MTUS1: variants seen among roughly 807,000 people sequenced by gnomAD.
The protein encoded by MTUS1 is microtubule associated scaffold protein 1.
A neutral mutation model predicts 120.8 loss-of-function variants in MTUS1; 109 were observed. That is an observed-to-expected ratio of 0.90 (90% confidence interval 0.77 to 1.06). The LOEUF is 1.06. MTUS1 is among the 50% of genes least tolerant of loss of function. MTUS1 has a pLI of 0.00. For synonymous variants in MTUS1, 737 were observed against 550.5 expected, an observed-to-expected ratio of 1.34 and a Z score of -4.74; for missense variants, 2,210 against 1,486.3, an observed-to-expected ratio of 1.49 and a Z score of -8.01.
chr8:17,704,279 A>C (rs990549906), intron 6 of MTUS1: 1 of 152,118 alleles, frequency 6.6e-6, no homozygotes, highest in Non-Finnish European at 1.5e-5. Context: ...TGCTCTGCAG[A>C]TTTTTAATCT....
intron 4 of MTUS1, among the ~76,000 whole-genome samples, chr8:17,716,277 G>A (rs1470074163): frequency 1.3e-5 from 2 of 152,254 alleles, no homozygotes; most frequent in Non-Finnish European, 2.9e-5. Flanking sequence ...GGAAGAATTC[G>A]CACAGTCAGC....
intron 8 of MTUS1, among the ~76,000 whole-genome samples, chr8:17,665,640 C>G (rs1313238790): frequency 6.6e-6 from 1 of 152,134 alleles, no homozygotes. Context: ...GAATTACTGG[C>G]TTGAGCCACT....
intron 1 of MTUS1, among the ~76,000 whole-genome samples, chr8:17,768,203 C>T (rs142928396): frequency 7.2e-5 from 11 of 152,182 alleles, no homozygotes; most frequent in East Asian, 1.9e-4. Flanking sequence ...GAAGGATTTA[C>T]GCTTTGAGTA....
intron 6 of MTUS1, among the ~76,000 whole-genome samples, chr8:17,711,553 C>T (rs998722687): frequency 6.6e-6 from 1 of 152,176 alleles, no homozygotes. Context: ...GTGAAAGTTG[C>T]AGCTGGCTTA....
In MTUS1 at chr8:17,754,771, A is replaced by G. The variant is rs1244241253; in HGVS notation, c.1037T>C (p.Ile346Thr). Reference sequence around the variant, plus strand: ...CACCATTAAAGGGCATTCATCATCAATAAGACAATAGGACACTGTCTCTCT... The same window carrying G: ...CACCATTAAAGGGCATTCATCATCAGTAAGACAATAGGACACTGTCTCTCT... ...NLRETVSYCL[I>T]DDECPLMVPA... Residue 346 changes from isoleucine to threonine, a missense_variant, in exon 2 of 15, where the codon ATT becomes ACT. Coordinates refer to ENST00000693296, the MANE Select transcript of MTUS1 (RefSeq NM_001363059.2). The G allele has an allele frequency of 6.2e-6, 10 of 1,614,122 alleles. No homozygotes were observed. The highest frequency in any genetic ancestry group is 2.7e-5 in the African/African-American group (2 of 74,944).
intron 8 of MTUS1, among the ~76,000 whole-genome samples, chr8:17,670,745 C>A (rs945118327): frequency 4.6e-5 from 7 of 151,990 alleles, no homozygotes; most frequent in African/African-American, 1.7e-4. Context: ...ACTGCTTGAA[C>A]CCGGAAGGCA....
At chr8:17,763,037 G>C (rs7012282) in intron 1 of MTUS1, among the ~76,000 whole-genome samples, 25,352 of 151,582 alleles carry the variant, frequency 0.17, 2,279 homozygotes, top group Admixed American at 0.2. Context: ...TATCCCCCAG[G>C]CTGGAGTGTA....
At chr8:17,670,730 G>C (rs1444374594) in intron 8 of MTUS1, among the ~76,000 whole-genome samples, 1 of 152,088 alleles carries the variant, frequency 6.6e-6, no homozygotes, top group Non-Finnish European at 1.5e-5. Context: ...GGCTGAGGCA[G>C]GAGAACTGCT....
chr8:17,790,858 G>A (rs1390335259), intron 1 of MTUS1, among the ~76,000 whole-genome samples: 1 of 151,982 alleles, frequency 6.6e-6, no homozygotes, highest in Non-Finnish European at 1.5e-5. Flanking sequence ...ATGATGGCAG[G>A]CACCTGTAAT....
At chr8:17,713,682 A>C (rs962496432) in intron 5 of MTUS1, among the ~76,000 whole-genome samples, 6 of 152,162 alleles carry the variant, frequency 3.9e-5, no homozygotes, top group African/African-American at 9.6e-5. Context: ...AGCTATGAAG[A>C]AAAATAGAAG....
At chr8:17,774,027 A>C (rs1220482690) in intron 1 of MTUS1, among the ~76,000 whole-genome samples, 1 of 152,012 alleles carries the variant, frequency 6.6e-6, no homozygotes, top group Admixed American at 6.6e-5. Flanking sequence ...TAGCTCCCTC[A>C]CCTCATTATA....
chr8:17,738,817 T>G (rs1313448961), intron 3 of MTUS1, among the ~76,000 whole-genome samples: 2 of 152,078 alleles, frequency 1.3e-5, no homozygotes, highest in Non-Finnish European at 2.9e-5. Context: ...ACCATTCAGC[T>G]GGGCAACAAG....
At chr8:17,727,494 C>T (rs545772388) in intron 3 of MTUS1, among the ~76,000 whole-genome samples, 158 of 152,306 alleles carry the variant, frequency 1.0e-3, no homozygotes, top group Non-Finnish European at 1.8e-3. Flanking sequence ...TGGTGAAAAC[C>T]GTACGGATGC....
In MTUS1 at chr8:17,720,549, C is replaced by A. The variant is rs192155175; in HGVS notation, c.2449+3123G>T. On this transcript the variant is annotated intron_variant, in intron 4 of 14. Coordinates refer to ENST00000693296, the MANE Select transcript of MTUS1 (RefSeq NM_001363059.2). ...TTGGTCTGCACCTCTTACATTTCCC[C>A]TACCATCTGGCTCTCAAATATAAAC... 8.5e-5 allele frequency among the ~76,000 whole-genome samples: 13 copies of A among 152,258 alleles called. No homozygotes were observed. The East Asian group carries it at 2.5e-3, about 29-fold the overall frequency.
intron 6 of MTUS1, among the ~76,000 whole-genome samples, chr8:17,686,121 T>C (rs1007678120): frequency 6.6e-6 from 1 of 152,222 alleles, no homozygotes; most frequent in African/African-American, 2.4e-5. Context: ...TCCCTTTCTT[T>C]TCATCCTCCC....
Position 17,753,933 on chromosome 8 carries a change from G to C in MTUS1, c.1875C>G (p.Cys625Trp), listed in dbSNP as rs201959113. The C allele has an allele frequency of 1.2e-6, 2 of 1,614,114 alleles. No homozygotes were observed. Among genetic ancestry groups the C allele is most frequent in the African/African-American group, 2.7e-5 (2 of 75,042 alleles). The part of the protein sequence containing the change: ...VDKASSSNSA[C>W]ETGSVSALFQ... ...ACAACGCAGAAACGGACCCGGTCTCGCATGCTGAGTTAGAAGAACTGGCTT... is the reference window on the plus strand; with the variant it reads ...ACAACGCAGAAACGGACCCGGTCTCCCATGCTGAGTTAGAAGAACTGGCTT... The change falls in exon 2 of 15, where the codon TGC (cysteine) becomes TGG (tryptophan). Residue 625 changes from cysteine (C) to tryptophan (W), a missense_variant. By Grantham distance (215) the Cys-to-Trp change is radical. Transcript: ENST00000693296.
At chr8:17,773,736 CAT>C (rs1004470655) in intron 1 of MTUS1, among the ~76,000 whole-genome samples, 5 of 152,162 alleles carry the variant, frequency 3.3e-5, no homozygotes, top group Admixed American at 3.3e-4. Flanking sequence ...CACCTCCAAA[CAT>C]ATAAAATTTG....
intron 8 of MTUS1, 120 bp from the exon 9 acceptor site, chr8:17,656,185 C>G (rs1040143555): frequency 4.8e-6 from 4 of 825,930 alleles, no homozygotes; most frequent in African/African-American, 1.7e-5. Flanking sequence ...TGTCTTGGGT[C>G]TCTAGTGACC....
chr8:17,763,681 A>C (rs1240072394), intron 1 of MTUS1, among the ~76,000 whole-genome samples: 1 of 152,152 alleles, frequency 6.6e-6, no homozygotes, highest in Non-Finnish European at 1.5e-5. Context: ...ACAGTACCCT[A>C]CCCAGCCTGG....
Sources: gnomAD v4.1 joint callset for allele counts (sites outside exome capture counted in the v4.1 genomes callset) on GRCh38, gnomAD v4.1.1 for gene constraint, MANE v1.5 for transcripts, NCBI Gene and HGNC (gene_info 2026-07-23, HGNC 2026-07-21) for gene names.